NELL2: variants seen among roughly 807,000 people sequenced by gnomAD.
NELL2 encodes neural EGFL like 2.
In NELL2, 41 loss-of-function variants were observed where a neutral mutation model predicts 109.6. The observed-to-expected ratio is 0.37, with a 90% CI of 0.29 to 0.49. The LOEUF is 0.49. Among genes scored for constraint, NELL2 ranks in the 20% least tolerant of loss-of-function variants. The probability of loss-of-function intolerance (pLI) is 0.98; values close to 1 mark genes in which losing one functional copy is unlikely to be tolerated. For missense variants in NELL2, 900 were observed against 1,008.3 expected, an observed-to-expected ratio of 0.89 and a Z score of 1.45; for synonymous variants, 355 against 344.7, an observed-to-expected ratio of 1.03 and a Z score of -0.33.
At chr12:44,857,957 C>A (rs753748548) in intron 2 of NELL2, among the ~76,000 whole-genome samples, 1 of 152,284 alleles carries the variant, frequency 6.6e-6, no homozygotes, top group South Asian at 2.1e-4. Context: ...CCCTTTAGCA[C>A]ATGAAAGTCA....
intron 9 of NELL2, among the ~76,000 whole-genome samples, chr12:44,723,985 C>A (rs1358851513): frequency 6.6e-6 from 1 of 151,956 alleles, no homozygotes; most frequent in Non-Finnish European, 1.5e-5. Context: ...GACATGGAAT[C>A]AACCTAACTG....
chr12:44,787,164 T>C (rs1942209564), intron 3 of NELL2, among the ~76,000 whole-genome samples: 1 of 152,106 alleles, frequency 6.6e-6, no homozygotes, highest in Non-Finnish European at 1.5e-5. Context: ...AAAAATACAA[T>C]ATAATTTACA....
chr12:44,750,950 A>C (rs1940623887), intron 9 of NELL2, among the ~76,000 whole-genome samples: 1 of 152,204 alleles, frequency 6.6e-6, no homozygotes, highest in South Asian at 2.1e-4. Flanking sequence ...TTCTCCCTAA[A>C]GCACTACTGT....
chr12:44,682,841 G>A (rs946248505), intron 12 of NELL2, among the ~76,000 whole-genome samples: 40 of 152,220 alleles, frequency 2.6e-4, no homozygotes, highest in African/African-American at 9.2e-4. Flanking sequence ...ATAGTTGGAA[G>A]TCAGGTAGTG....
intron 15 of NELL2, among the ~76,000 whole-genome samples, chr12:44,566,566 C>CACACACACACACACACACAG (rs377368706): frequency 1.7e-4 from 24 of 138,516 alleles, no homozygotes; most frequent in Admixed American, 8.1e-4. Context: ...CACACACACA[C>CACACACACACACACACACAG]AGAGTTTTAT....
At chr12:44,765,576 T>C (rs1026340640) in intron 9 of NELL2, among the ~76,000 whole-genome samples, 1 of 152,136 alleles carries the variant, frequency 6.6e-6, no homozygotes, top group African/African-American at 2.4e-5. Context: ...CTCTAGTACA[T>C]AATATAGGTG....
At chr12:44,822,430 A>G (rs1259379648) in intron 2 of NELL2, among the ~76,000 whole-genome samples, 3 of 152,204 alleles carry the variant, frequency 2.0e-5, no homozygotes, top group Non-Finnish European at 1.5e-5. Context: ...AGTTTTGGCC[A>G]TCAAATTCTT....
intron 3 of NELL2, among the ~76,000 whole-genome samples, chr12:44,805,887 T>G (rs1156841935): frequency 6.6e-6 from 1 of 151,902 alleles, no homozygotes; most frequent in Non-Finnish European, 1.5e-5. Context: ...ATATTTTTTC[T>G]TAAATGCAGT....
chr12:44,912,062 C>T (rs1945785998), intron 1 of NELL2, among the ~76,000 whole-genome samples: 1 of 151,768 alleles, frequency 6.6e-6, no homozygotes, highest in African/African-American at 2.4e-5. Flanking sequence ...AGGTCTCTGT[C>T]TATGTGTTGG....
At chr12:44,558,634 C>T (rs1164078470) in intron 15 of NELL2, among the ~76,000 whole-genome samples, 1 of 152,182 alleles carries the variant, frequency 6.6e-6, no homozygotes, top group Non-Finnish European at 1.5e-5. Flanking sequence ...AGGAAGGGTG[C>T]ACTCTAGCCC....
At chr12:44,882,154 T>C (rs1435859696) in intron 1 of NELL2, among the ~76,000 whole-genome samples, 3 of 151,752 alleles carry the variant, frequency 2.0e-5, no homozygotes, top group African/African-American at 7.3e-5. Context: ...AGAAGAGAAA[T>C]AATACCATAA....
intron 13 of NELL2, among the ~76,000 whole-genome samples, chr12:44,644,617 TATATATATACATAC>T (rs1193409195): frequency 1.2e-4 from 12 of 96,378 alleles, no homozygotes; most frequent in Admixed American, 5.7e-4. Context: ...TGTATATATA[TATATATATACATAC>T]ATATATATAT....
chr12:44,690,730 A>G (rs1385470624), intron 12 of NELL2, among the ~76,000 whole-genome samples: 4 of 152,168 alleles, frequency 2.6e-5, no homozygotes, highest in Non-Finnish European at 5.9e-5. Context: ...GCTCATGACT[A>G]TATGACCAAC....
intron 2 of NELL2, among the ~76,000 whole-genome samples, chr12:44,838,537 C>A (rs999637950): frequency 1.3e-5 from 2 of 151,992 alleles, no homozygotes; most frequent in Non-Finnish European, 2.9e-5. Flanking sequence ...AAAATGGGAA[C>A]AATAATAATA....
intron 12 of NELL2, among the ~76,000 whole-genome samples, chr12:44,677,575 A>G (rs928970077): frequency 1.2e-4 from 19 of 152,130 alleles, no homozygotes; most frequent in African/African-American, 4.1e-4. Flanking sequence ...TTGCTAAACA[A>G]TATCTTTATA....
At position 44,875,575 on chromosome 12, in the gene NELL2, T is replaced by C. The variant is rs778196205; in HGVS notation, c.56-222A>G. ...CGTTTCCATGACCTCCTTTAAACCC[T>C]TCTCTCTGCAAAGTTCCCCCTCAGC... On this transcript the variant is annotated intron_variant, in intron 1 of 19. Transcript: ENST00000429094. 5.0e-6 allele frequency: 8 copies of C among 1,613,568 alleles called. No individual in the cohort carries two copies. In the South Asian group the frequency reaches 5.5e-5, roughly 11 times the overall value.
At chr12:44,817,322 C>A (rs1173038423) in intron 2 of NELL2, among the ~76,000 whole-genome samples, 1 of 152,152 alleles carries the variant, frequency 6.6e-6, no homozygotes, top group Non-Finnish European at 1.5e-5. Context: ...CCTTTCTAGG[C>A]CCACGATTTT....
chr12:44,875,312 A>C lies in NELL2; in HGVS notation c.97T>G (p.Leu33Val), dbSNP rs774484312. 1.2e-5 allele frequency: 19 copies of C among 1,614,172 alleles called. No individual in the cohort carries two copies. The East Asian group carries it at 3.8e-4, about 32-fold the overall frequency. ...GVDPSLQIDVLTELELGESTT... is the reference protein window; with the variant it reads ...GVDPSLQIDVVTELELGESTT... The stretch of plus-strand genomic sequence containing the variant: ...GACTCCCCAAGTTCTAACTCTGTTA[A>C]GACGTCAATCTGTAGGGAAGGGTCC... The change falls in exon 2 of 20, where the codon TTA becomes GTA. Residue 33 changes from leucine to valine, a missense_variant. Leu to Val is a conservative substitution (Grantham distance 32). Transcript: ENST00000429094.
At chr12:44,587,284 A>AAAAAAAAAAAAAAAAATAT in intron 15 of NELL2, among the ~76,000 whole-genome samples, 18 of 72,214 alleles carry the variant, frequency 2.5e-4, no homozygotes, top group Middle Eastern at 9.3e-3. Flanking sequence ...AAAAAAAAAA[A>AAAAAAAAAAAAAAAAATAT]ATATATATAT....
Sources: gnomAD v4.1 joint callset for allele counts (sites outside exome capture counted in the v4.1 genomes callset) on GRCh38, gnomAD v4.1.1 for gene constraint, MANE v1.5 for transcripts, NCBI Gene and HGNC (gene_info 2026-07-23, HGNC 2026-07-21) for gene names.